Variants in BCL3 observed in about 807,000 individuals in gnomAD.
BCL3 encodes B-cell lymphoma 3 protein.
Under a neutral mutation model 35.7 loss-of-function variants are expected in BCL3, and 15 were observed. The observed-to-expected ratio is 0.42, with a 90% CI of 0.28 to 0.65. The LOEUF (loss-of-function observed/expected upper bound fraction) is 0.65. Among genes scored for constraint, BCL3 ranks in the 30% least tolerant of loss-of-function variants. BCL3 has a pLI of 0.22. For synonymous variants in BCL3, 311 were observed against 284.3 expected (o/e 1.09, Z -0.95); for missense variants, 565 against 641.7 (o/e 0.88, Z 1.29).
rs912065522 is a variant in BCL3, at chr19:44,758,729, C to G, written c.1065C>G (p.Ile355Met). 11 of 1,597,258 alleles carry G rather than the reference C, an allele frequency of 6.9e-6. No homozygotes were observed. Among genetic ancestry groups the G allele is most frequent in the Non-Finnish European group, 9.4e-6 (11 of 1,172,668 alleles). Residue 355 changes from isoleucine to methionine, a missense_variant, in exon 8 of 9, where the codon ATC becomes ATG. By Grantham distance (10) the Ile-to-Met change is conservative. Transcript: ENST00000164227. The part of the protein sequence containing the change: ...PLMVARSRRV[I>M]DILRGKATRP... ...TCACGCCCATCTTCCTACAGGTCAT[C>G]GACATCCTGAGGGGGAAGGCCACCC... is the stretch of plus-strand genomic sequence containing the variant.
At chr19:44,748,033 C>T, upstream of BCL3, 1 of 1,341,176 alleles carries the variant, frequency 7.5e-7, no homozygotes, top group African/African-American at 1.5e-5. Flanking sequence ...TGGCCGCCTG[C>T]CGAGTGCCAG....
At chr19:44,752,341 C>T (rs1967197253) in intron 2 of BCL3, among the ~76,000 whole-genome samples, 1 of 151,712 alleles carries the variant, frequency 6.6e-6, no homozygotes, top group African/African-American at 2.4e-5. Context: ...GCTGGGACCA[C>T]AGACGCTACC....
Position 44,757,714 on chromosome 19 carries a change from G to A in BCL3, c.882G>A (p.Leu294=). Residue 294 remains leucine, a synonymous_variant, in exon 6 of 9, where the codon CTG becomes CTA. Coordinates refer to ENST00000164227, the MANE Select transcript of BCL3 (RefSeq NM_005178.5). This position sits in a 1 kb window ranked among gnomAD's most constrained non-coding sequence, Gnocchi z 8.4. ...VENNSLSMVQ[L]LLQHGANVNA... ...ACAACAGCCTTAGCATGGTGCAGCT[G>A]CTGCTGCAGGTGCGTACAGCCCCCC... 13 of 1,613,808 alleles carry A rather than the reference G, an allele frequency of 8.1e-6. No individual in the cohort carries two copies. The highest frequency in any genetic ancestry group is 1.1e-5 in the South Asian group (1 of 91,080).
upstream of BCL3, chr19:44,748,670 C>T (rs1467988900): frequency 1.9e-6 from 2 of 1,037,008 alleles, no homozygotes; most frequent in Non-Finnish European, 2.3e-6. Flanking sequence ...GCCGGCACCG[C>T]CCCGGCCGAC....
chr19:44,758,670 G>A, intron 7 of BCL3, 54 bp from the exon 8 acceptor site: 1 of 1,459,198 alleles, frequency 6.9e-7, no homozygotes, highest in East Asian at 2.4e-5. Flanking sequence ...GGAGGGATGG[G>A]AGAGAGGACT....
Position 44,757,965 on chromosome 19 carries a change from C to T in BCL3, c.891+242C>T, listed in dbSNP as rs541463091. Among the ~76,000 whole-genome samples the T allele has an allele frequency of 2.0e-5, 3 of 152,370 alleles. No homozygotes were observed. Among genetic ancestry groups the T allele is most frequent in the African/African-American group, 7.2e-5 (3 of 41,600 alleles). On this transcript the variant is annotated intron_variant, in intron 6 of 8. Transcript: ENST00000164227. This position sits in a 1 kb window ranked among gnomAD's most constrained non-coding sequence, Gnocchi z 8.4. ...TAGGCCCCGCCCTGCGATGGCCTGG[C>T]TGACCCCGCCTTCCAGCTAGGCCCT...
chr19:44,750,270 C>T (rs1599837173), intron 1 of BCL3, among the ~76,000 whole-genome samples: 1 of 147,196 alleles, frequency 6.8e-6, no homozygotes, highest in East Asian at 2.0e-4. Flanking sequence ...TTGCCTGCTG[C>T]CATGGTCCCC....
At position 44,759,870 on chromosome 19, in the gene BCL3, T is replaced by G; in HGVS notation, c.*255T>G. The G allele has an allele frequency of 4.9e-6, 2 of 409,314 alleles. No individual in the cohort carries two copies. Among genetic ancestry groups the G allele is most frequent in the Non-Finnish European group, 8.6e-6 (2 of 231,634 alleles). 25.4% of individuals were successfully genotyped at this position (409,314 alleles called of 1,614,324 possible). The stretch of plus-strand genomic sequence containing the variant: ...CCCTGTCCGGAATGCCACCCACATC[T>G]TCCATTTCCATGTCCCCTCCCAGAG... On this transcript the variant is annotated 3_prime_UTR_variant, in exon 9 of 9. Coordinates refer to ENST00000164227, the MANE Select transcript of BCL3 (RefSeq NM_005178.5).
At position 44,758,308 on chromosome 19, in the gene BCL3, C is replaced by A; in HGVS notation, c.954C>A (p.Gly318=). Residue 318 remains glycine, a synonymous_variant, in exon 7 of 9, where the codon GGC becomes GGA. Coordinates refer to ENST00000164227, the MANE Select transcript of BCL3 (RefSeq NM_005178.5). ...SGSSALHSAS[G]RGLLPLVRTL... ...GCTCCGCCCTGCACTCAGCGTCCGG[C>A]CGCGGGCTCCTCCCGCTGGTGCGCA... 2 of 1,567,844 alleles carry A rather than the reference C, an allele frequency of 1.3e-6. No homozygotes were observed. The highest frequency in any genetic ancestry group is 2.3e-5 in the East Asian group (1 of 43,916).
At position 44,757,478 on chromosome 19, in the gene BCL3, G is replaced by T; in HGVS notation, c.813+63G>T. On this transcript the variant is annotated intron_variant, in intron 5 of 8. Coordinates refer to ENST00000164227, the MANE Select transcript of BCL3 (RefSeq NM_005178.5). This position sits in a 1 kb window ranked among gnomAD's most constrained non-coding sequence, Gnocchi z 8.4. ...TAGCAGGGGCGGGGTCTTGGCGGGG[G>T]CGGGGCCAGTGTGGGGCTGGCGTGG... 6.7e-7 allele frequency: 1 copy of T among 1,481,770 alleles called. No homozygotes were observed. The highest frequency in any genetic ancestry group is 1.2e-5 in the South Asian group (1 of 82,134). The allele number at this position is 1,481,770 out of a possible 1,614,324, so 91.8% of individuals were successfully genotyped here.
At chr19:44,751,973 T>C (rs2070079664) in intron 2 of BCL3, among the ~76,000 whole-genome samples, 1 of 152,286 alleles carries the variant, frequency 6.6e-6, no homozygotes, top group East Asian at 1.9e-4. Context: ...AGACAGTTCA[T>C]TGATTAACTT....
Position 44,748,764 on chromosome 19 carries a change from T to A in BCL3, c.-27T>A. ...CTCCCGTGCAGCCGAGCCCAGCCGC[T>A]CTCCGGCCGCCGTCCCCGGCGGCCC... On this transcript the variant is annotated 5_prime_UTR_variant, in exon 1 of 9. Coordinates refer to ENST00000164227, the MANE Select transcript of BCL3 (RefSeq NM_005178.5). 1 of 1,093,528 alleles carries A rather than the reference T, an allele frequency of 9.1e-7. No individual in the cohort carries two copies. 67.7% of individuals were successfully genotyped at this position (1,093,528 alleles called of 1,614,324 possible). A position where few individuals can be genotyped will look rare whatever the true frequency, so the allele number is the denominator to read the frequency against.
intron 3 of BCL3, 120 bp downstream of exon 3, chr19:44,756,460 C>T: frequency 1.4e-6 from 1 of 705,468 alleles, no homozygotes; most frequent in Non-Finnish European, 2.0e-6. Flanking sequence ...ACCCCTGGGT[C>T]TGAGGGAGGA....
In BCL3 at chr19:44,759,576, C is replaced by T; in HGVS notation, c.1326C>T (p.Gly442=). ...LPFAGVLRGP[G]RPVPPSPAPG... is the part of the protein sequence containing the mutation. ...TTGCTGGGGTCCTCCGAGGCCCTGG[C>T]CGGCCGGTGCCCCCCTCCCCAGCTC... is the stretch of plus-strand genomic sequence containing the variant. Residue 442 remains glycine (G), a synonymous_variant, in exon 9 of 9, where the codon GGC becomes GGT. Coordinates refer to ENST00000164227, the MANE Select transcript of BCL3 (RefSeq NM_005178.5). The T allele has an allele frequency of 6.2e-7, 1 of 1,609,632 alleles. No homozygotes were observed. The highest frequency in any genetic ancestry group is 8.5e-7 in the Non-Finnish European group (1 of 1,179,174).
At chr19:44,758,008 C>T (rs1175097759) in intron 6 of BCL3, among the ~76,000 whole-genome samples, 4 of 152,220 alleles carry the variant, frequency 2.6e-5, no homozygotes, top group Non-Finnish European at 5.9e-5. Context: ...CATTGTCCTT[C>T]CCCCCTCCAG....
intron 3 of BCL3, 101 bp downstream of exon 3, chr19:44,756,441 G>A (rs1599841959): frequency 3.5e-6 from 3 of 863,672 alleles, no homozygotes; most frequent in Non-Finnish European, 4.8e-6. Context: ...GAGGGGGGCT[G>A]GGGCCTGGAC....
At position 44,756,309 on chromosome 19, in the gene BCL3, G is replaced by C; in HGVS notation, c.488G>C (p.Arg163Pro). The C allele has an allele frequency of 6.5e-7, 1 of 1,540,632 alleles. No individual in the cohort carries two copies. The highest frequency in any genetic ancestry group is 8.8e-7 in the Non-Finnish European group (1 of 1,139,318). Residue 163 changes from arginine to proline, a missense_variant, in exon 3 of 9, where the codon CGG becomes CCG. This residue lies in a region of BCL3 where 267 missense variants were observed against 281.5 expected (regional missense o/e 0.95). Coordinates refer to ENST00000164227, the MANE Select transcript of BCL3 (RefSeq NM_005178.5). ...GTCAACCTCTTCCAGCAGGGGGGCC[G>C]GGAGCTCGACATCTACAACAACCTA... ...RLVNLFQQGG[R>P]ELDIYNNLRQ...
intron 3 of BCL3, among the ~76,000 whole-genome samples, chr19:44,756,657 G>A (rs1003633893): frequency 4.0e-5 from 6 of 151,736 alleles, no homozygotes; most frequent in African/African-American, 1.5e-4. Flanking sequence ...GGAGGGCTGG[G>A]GTCTGGACTC....
intron 1 of BCL3, among the ~76,000 whole-genome samples, chr19:44,749,539 A>G (rs1967137594): frequency 6.6e-6 from 1 of 152,098 alleles, no homozygotes; most frequent in African/African-American, 2.4e-5. Context: ...GGATGTCACA[A>G]TCTCAGGAAC....
Sources: allele counts gnomAD v4.1 joint callset (sites outside exome capture counted in the v4.1 genomes callset), GRCh38; gene constraint gnomAD v4.1.1; regional missense constraint gnomAD v4.1.1; non-coding constraint Gnocchi (gnomAD v3.1); transcripts MANE v1.5; gene names NCBI Gene and HGNC (gene_info 2026-07-23, HGNC 2026-07-21).